The following TJAP1 variants were observed in gnomAD, a reference collection of about 807,000 sequenced individuals.
TJAP1 encodes tight junction associated protein 1, also known as tight junction-associated protein 1.
A neutral mutation model predicts 42.0 loss-of-function variants in TJAP1; 27 were observed. The ratio of observed to expected loss-of-function variants is 0.64; its 90% CI spans 0.47 to 0.89. The LOEUF (loss-of-function observed/expected upper bound fraction) is 0.89, where lower values mean the gene tolerates loss of function less well. Among genes scored for constraint, TJAP1 ranks in the 40% least tolerant of loss-of-function variants. The probability of loss-of-function intolerance (pLI) is 0.00; values close to 1 mark genes in which losing one functional copy is unlikely to be tolerated. For missense variants in TJAP1, 712 were observed against 726.9 expected (o/e 0.98, Z 0.24); for synonymous variants, 257 against 288.4 (o/e 0.89, Z 1.10).
At chr6:43,499,128 C>A in intron 4 of TJAP1, 28 bp downstream of exon 4, 9 of 1,611,576 alleles carry the variant, frequency 5.6e-6, no homozygotes, top group Non-Finnish European at 6.8e-6. Flanking sequence ...CACAGCCTGA[C>A]CGGCAGAGGC....
rs1015801000 is a variant in TJAP1 at position 43,504,103 on chromosome 6, G to A, written c.579+397G>A. ...TATGTGGCCTGCAGAAGTAGAAGAA[G>A]TAGAGGTATTTCTTTTTTTTTTTTT... On this transcript the variant is annotated intron_variant, in intron 10 of 10. Coordinates refer to ENST00000372449, the Ensembl canonical transcript of TJAP1. 3.6e-5 allele frequency: 12 copies of A among 335,348 alleles called. No individual in the cohort carries two copies. In the Admixed American group the frequency reaches 3.8e-4, roughly 11 times the overall value. 20.8% of individuals were successfully genotyped at this position (335,348 alleles called of 1,614,324 possible). A position where few individuals can be genotyped will look rare whatever the true frequency, so the allele number is the denominator to read the frequency against.
At position 43,492,867 on chromosome 6, in the gene TJAP1, C is replaced by G. The variant is rs185011223; in HGVS notation, c.-121-5014C>G. ...GTGTGGCGGGAGTGTAGCTGACCCC[C>G]ACTGGGGCACAGCTTCCCACAGGCT... On this transcript the variant is annotated intron_variant, in intron 2 of 10. Transcript: ENST00000372449. This position sits in a 1 kb window ranked among gnomAD's most constrained non-coding sequence, Gnocchi z 4.2. Among the ~76,000 whole-genome samples, 77 of 152,256 alleles carry G rather than the reference C, an allele frequency of 5.1e-4. No homozygotes were observed. Among genetic ancestry groups the G allele is most frequent in the Non-Finnish European group, 7.8e-4 (53 of 68,020 alleles).
chr6:43,484,842 C>T (rs1026707595), intron 2 of TJAP1, among the ~76,000 whole-genome samples: 5 of 152,352 alleles, frequency 3.3e-5, no homozygotes, highest in South Asian at 2.1e-4. Context: ...TCTCCTGCCT[C>T]GGCCTCCTGA....
chr6:43,501,685 C>A, exon 6 of TJAP1: 1 of 1,032,494 alleles, frequency 9.7e-7, no homozygotes, highest in Non-Finnish European at 1.5e-6. Context: ...ATAAGTTCCG[C>A]AGGTGTGGGA....
At chr6:43,483,352 CT>C (rs1785720464) in intron 2 of TJAP1, among the ~76,000 whole-genome samples, 1 of 152,206 alleles carries the variant, frequency 6.6e-6, no homozygotes, top group Admixed American at 6.5e-5. Context: ...GTTTCATCTT[CT>C]TTGCCCATGT....
rs1391896578 is a variant in TJAP1 at position 43,505,852 on chromosome 6, C to G, written c.1671C>G (p.Asn557Lys). ...CCCAGGAGCAGGGCAACCTGCTCAACTAGGGCCCCTGCTGGCCTTCCTGCC... is the reference window on the plus strand; with the variant it reads ...CCCAGGAGCAGGGCAACCTGCTCAAGTAGGGCCCCTGCTGGCCTTCCTGCC... Residue 557 changes from asparagine to lysine, a missense_variant, in exon 11 of 11, where the codon AAC becomes AAG. Coordinates refer to ENST00000372449, the Ensembl canonical transcript of TJAP1. The surrounding 1 kb of genome is among the most constrained non-coding windows in gnomAD (Gnocchi z 5.5). The G allele has an allele frequency of 1.4e-5, 20 of 1,462,474 alleles. 2 individuals are homozygous for G. The South Asian group carries it at 2.3e-4, about 17-fold the overall frequency. 90.6% of individuals were successfully genotyped at this position (1,462,474 alleles called of 1,614,324 possible).
In TJAP1 at chr6:43,502,076, A is replaced by ACACACACACACACACACT. The variant is rs767085594; in HGVS notation, c.291-206_291-205insACACACACACACACACTC. On this transcript the variant is annotated intron_variant, in intron 6 of 10. Coordinates refer to ENST00000372449, the Ensembl canonical transcript of TJAP1. Reference sequence around the variant, plus strand: ...CACACACACACACACACACACACACACTCTCTCTCTCTCTCTCTCTCTCTC... The same window carrying ACACACACACACACACACT: ...CACACACACACACACACACACACACACACACACACACACACACTCTCTCTCTCTCTCTCTCTCTCTCTC... Among the ~76,000 whole-genome samples, 14 of 68,930 alleles carry ACACACACACACACACACT rather than the reference A, an allele frequency of 2.0e-4. 1 individual carries two copies. Among genetic ancestry groups the ACACACACACACACACACT allele is most frequent in the African/African-American group, 1.1e-3 (14 of 13,070 alleles). The allele number at this position is 68,930 out of a possible 152,430, so 45.2% of individuals were successfully genotyped here.
chr6:43,489,117 C>T (rs1258409125), intron 2 of TJAP1, among the ~76,000 whole-genome samples: 1 of 152,204 alleles, frequency 6.6e-6, no homozygotes, highest in Non-Finnish European at 1.5e-5. Flanking sequence ...GTCCTCCCGC[C>T]CCAGGGGACA....
At chr6:43,503,529 G>A (rs1561827072) in intron 9 of TJAP1, 21 bp downstream of exon 9, 11 of 1,611,786 alleles carry the variant, frequency 6.8e-6, no homozygotes, top group East Asian at 2.2e-5. Flanking sequence ...TTCACTACTC[G>A]GGCCTTCCTC....
intron 2 of TJAP1, chr6:43,489,935 T>C (rs917992852): frequency 2.0e-5 from 3 of 152,316 alleles, no homozygotes; most frequent in Non-Finnish European, 1.5e-5. Context: ...AAGCTGTCTG[T>C]TTATATGGAG....
At chr6:43,506,513 T>A (rs1223806285) in exon 11 of TJAP1, 1 of 152,720 alleles carries the variant, frequency 6.5e-6, no homozygotes. Flanking sequence ...AATTTTCACA[T>A]TGATGACTAT....
intron 6 of TJAP1, 77 bp downstream of exon 6, chr6:43,501,764 T>TCC (rs1790694249): frequency 1.5e-6 from 1 of 652,076 alleles, no homozygotes; most frequent in South Asian, 1.7e-5. Context: ...ACACACTCTC[T>TCC]CTGTCTCTCT....
chr6:43,503,878 T>C (rs1256775503), intron 10 of TJAP1, 172 bp downstream of exon 10: 1 of 724,238 alleles, frequency 1.4e-6, no homozygotes, highest in African/African-American at 1.7e-5. Flanking sequence ...GTGTCCCGTG[T>C]ACTGTCCAGG....
chr6:43,480,398 G>T (rs1785061057), intron 2 of TJAP1, among the ~76,000 whole-genome samples: 1 of 152,152 alleles, frequency 6.6e-6, no homozygotes, highest in Admixed American at 6.5e-5. Context: ...GAAGCTGTGA[G>T]GCTACACAAT....
exon 11 of TJAP1, chr6:43,504,921 C>T: frequency 1.2e-6 from 2 of 1,614,228 alleles, no homozygotes; most frequent in South Asian, 2.2e-5. Context: ...CTCAATTCAG[C>T]CCAGTCAGGC....
rs1284575360 is a variant in TJAP1, at chr6:43,500,943, GA to G, written c.128+175del. The G allele has an allele frequency of 1.5e-4, 111 of 738,770 alleles. No individual in the cohort carries two copies. The South Asian group carries it at 1.9e-3, about 12-fold the overall frequency. The allele number at this position is 738,770 out of a possible 1,614,324, so 45.8% of individuals were successfully genotyped here. ...GTTGATGTTGTGGATATTTTTTCTG[GA>G]AAATGGGATTTTATTGTTCCATGGG... On this transcript the variant is annotated intron_variant, in intron 5 of 10. Coordinates refer to ENST00000372449, the Ensembl canonical transcript of TJAP1.
rs747300373 is a variant in TJAP1 at position 43,505,520 on chromosome 6, G to A, written c.1339G>A (p.Ala447Thr). The change falls in exon 11 of 11, where the codon GCC becomes ACC. Residue 447 changes from alanine to threonine, a missense_variant. By Grantham distance (58) the Ala-to-Thr change is moderately conservative. Transcript: ENST00000372449. This position sits in a 1 kb window ranked among gnomAD's most constrained non-coding sequence, Gnocchi z 5.5. ...CCTCCCTGAGCTGCAGCGCCATTTT[G>A]CCCATAGCCCCGCTGACAGAGATGA... 1.2e-6 allele frequency: 2 copies of A among 1,613,884 alleles called. No homozygotes were observed. Among genetic ancestry groups the A allele is most frequent in the Non-Finnish European group, 1.7e-6 (2 of 1,180,034 alleles).
At chr6:43,506,316 G>A (rs1183666479) in exon 11 of TJAP1, 2 of 152,686 alleles carry the variant, frequency 1.3e-5, no homozygotes, top group Admixed American at 1.3e-4. Flanking sequence ...ATGAGCTGTT[G>A]CCCTCCAGGG....
At chr6:43,501,758 A>ACACACACACACACACTCT (rs1423256237) in intron 6 of TJAP1, 71 bp downstream of exon 6, 5 of 493,666 alleles carry the variant, frequency 1.0e-5, no homozygotes, top group East Asian at 3.9e-5. Flanking sequence ...ACACACACAC[A>ACACACACACACACACTCT]CTCTCTCTGT....
Sources: allele counts gnomAD v4.1 joint callset (sites outside exome capture counted in the v4.1 genomes callset), GRCh38; gene constraint gnomAD v4.1.1; non-coding constraint Gnocchi (gnomAD v3.1); transcripts MANE v1.5; gene names NCBI Gene and HGNC (gene_info 2026-07-23, HGNC 2026-07-21).